The following CYP19A1 variants were observed in gnomAD, a reference collection of about 807,000 sequenced individuals.
CYP19A1 encodes cytochrome P450 family 19 subfamily A member 1, also known as aromatase.
Under a neutral mutation model 44.4 loss-of-function variants are expected in CYP19A1, and 32 were observed. The observed-to-expected ratio is 0.72, with a 90% CI of 0.54 to 0.97. The LOEUF is 0.97. Among genes scored for constraint, CYP19A1 ranks in the 50% least tolerant of loss-of-function variants. The pLI, the probability that CYP19A1 is intolerant of heterozygous loss-of-function variation, is 0.00. For missense variants in CYP19A1, 598 were observed against 637.8 expected (o/e 0.94, Z 0.67); for synonymous variants, 212 against 215.6 (o/e 0.98, Z 0.14).
rs1262602894 is a variant in CYP19A1, at chr15:51,237,016, C to A, written c.146-7G>T. ...CCCATGCAGTAGCCAGGACCTAGGA[C>A]AGGTGTCAGAGCATAAGCAACATCT... On this transcript the variant is annotated splice_polypyrimidine_tract_variant and splice_region_variant and intron_variant, in intron 2 of 9. Coordinates refer to ENST00000396402, the MANE Select transcript of CYP19A1 (RefSeq NM_000103.4). 1.2e-5 allele frequency: 20 copies of A among 1,614,118 alleles called. No homozygotes were observed. The highest frequency in any genetic ancestry group is 1.7e-5 in the Non-Finnish European group (20 of 1,179,990).
rs755954146 is a variant in CYP19A1 at position 51,218,588 on chromosome 15, G to A, written c.696C>T (p.Asp232=). 2.5e-6 allele frequency: 4 copies of A among 1,613,814 alleles called. No homozygotes were observed. Among genetic ancestry groups the A allele is most frequent in the East Asian group, 2.2e-5 (1 of 44,844 alleles). Residue 232 remains aspartate (D), a synonymous_variant, in exon 6 of 10, where the codon GAC becomes GAT. Coordinates refer to ENST00000396402, the MANE Select transcript of CYP19A1 (RefSeq NM_000103.4). ...ATAGCCAAGAAATCTTAAAGAAGAT[G>A]TCTGGTTTGATGAGGAGAGCTTGCC... ...DAWQALLIKP[D]IFFKISWLYK... is the part of the protein sequence containing the mutation.
chr15:51,258,795 T>C (rs1000917878), intron 1 of CYP19A1, among the ~76,000 whole-genome samples: 1 of 152,038 alleles, frequency 6.6e-6, no homozygotes, highest in Non-Finnish European at 1.5e-5. Flanking sequence ...AATGAAGGAG[T>C]CTTTTAGAGA....
intron 1 of CYP19A1, among the ~76,000 whole-genome samples, chr15:51,254,980 C>T (rs893078840): frequency 6.6e-6 from 1 of 152,004 alleles, no homozygotes; most frequent in Non-Finnish European, 1.5e-5. Context: ...TGAGATGGAT[C>T]GAAGGGAGCT....
At chr15:51,323,679 GC>G (rs1488588198) in intron 1 of CYP19A1, 6 of 152,286 alleles carry the variant, frequency 3.9e-5, no homozygotes, top group African/African-American at 1.4e-4. Context: ...CCAGCACCCT[GC>G]CTCCTCCTCT....
chr15:51,242,360 G>C, intron 2 of CYP19A1: 1 of 284,090 alleles, frequency 3.5e-6, no homozygotes, highest in Non-Finnish European at 6.8e-6. Flanking sequence ...CGGAAACAAA[G>C]TGAAAGGGAG....
intron 1 of CYP19A1, among the ~76,000 whole-genome samples, chr15:51,336,990 C>A (rs1409326896): frequency 6.6e-6 from 1 of 151,884 alleles, no homozygotes; most frequent in African/African-American, 2.4e-5. Context: ...GCAGGCATAT[C>A]TGCCTCTCAA....
chr15:51,259,953 A>C (rs1022195816), intron 1 of CYP19A1, among the ~76,000 whole-genome samples: 3 of 152,262 alleles, frequency 2.0e-5, no homozygotes, highest in African/African-American at 7.2e-5. Flanking sequence ...AAGAACACTA[A>C]ATGAATATTG....
In CYP19A1 at chr15:51,281,465, C is replaced by T. The variant is rs138850046; in HGVS notation, c.-38-38515G>A. Among the ~76,000 whole-genome samples the T allele has an allele frequency of 8.5e-4, 129 of 152,312 alleles. 1 individual carries two copies. The highest frequency in any genetic ancestry group is 3.0e-3 in the African/African-American group (125 of 41,574). On this transcript the variant is annotated intron_variant, in intron 1 of 9. Coordinates refer to ENST00000396402, the MANE Select transcript of CYP19A1 (RefSeq NM_000103.4). ...CCTACCCTGAGGAGCCAGAGCACTG[C>T]GGGCAGGAGAGGAGGACCTGCCTGG...
intron 1 of CYP19A1, among the ~76,000 whole-genome samples, chr15:51,330,235 G>A (rs1430567134): frequency 1.3e-5 from 2 of 152,078 alleles, no homozygotes; most frequent in African/African-American, 4.8e-5. Flanking sequence ...CCGAAGAATC[G>A]AGTCTGGGCT....
intron 1 of CYP19A1, among the ~76,000 whole-genome samples, chr15:51,271,747 C>A (rs1026560070): frequency 6.6e-6 from 1 of 152,218 alleles, no homozygotes; most frequent in East Asian, 1.9e-4. Flanking sequence ...TACTGCCACT[C>A]TTTGATTGAT....
intron 5 of CYP19A1, among the ~76,000 whole-genome samples, chr15:51,219,597 G>T (rs1305692161): frequency 6.6e-6 from 1 of 152,206 alleles, no homozygotes; most frequent in Non-Finnish European, 1.5e-5. Flanking sequence ...AGCTGCTTCT[G>T]TCTGACCTCA....
chr15:51,287,645 A>G (rs1365783824), intron 1 of CYP19A1, among the ~76,000 whole-genome samples: 1 of 151,968 alleles, frequency 6.6e-6, no homozygotes, highest in Admixed American at 6.6e-5. Context: ...CCTACCCTCA[A>G]ATGCCCTCAC....
chr15:51,253,910 G>T (rs1199273227), intron 1 of CYP19A1, among the ~76,000 whole-genome samples: 1 of 152,194 alleles, frequency 6.6e-6, no homozygotes. Flanking sequence ...ATGTGGTTGA[G>T]ATTTTGATGG....
intron 2 of CYP19A1, among the ~76,000 whole-genome samples, chr15:51,237,838 G>C (rs1319920068): frequency 6.6e-6 from 1 of 152,224 alleles, no homozygotes; most frequent in Non-Finnish European, 1.5e-5. Flanking sequence ...TTTTACTGGT[G>C]TTGGTAAAAC....
chr15:51,290,690 G>A (rs141943771), intron 1 of CYP19A1, among the ~76,000 whole-genome samples: 12 of 152,266 alleles, frequency 7.9e-5, no homozygotes, highest in East Asian at 5.8e-4. Context: ...GAAGAGTTGC[G>A]GGGCCACTCT....
At chr15:51,291,993 C>G (rs1418184003) in intron 1 of CYP19A1, among the ~76,000 whole-genome samples, 1 of 152,202 alleles carries the variant, frequency 6.6e-6, no homozygotes, top group Admixed American at 6.5e-5. Flanking sequence ...CTTTAGCAGT[C>G]CAACACACTG....
Position 51,210,465 on chromosome 15 carries a change from A to C in CYP19A1, c.*343T>G. The C allele has an allele frequency of 3.8e-6, 2 of 523,188 alleles. No homozygotes were observed. The highest frequency in any genetic ancestry group is 3.7e-6 in the Non-Finnish European group (1 of 269,612). The allele number at this position is 523,188 out of a possible 1,614,324, so 32.4% of individuals were successfully genotyped here. ...AAAAATCCCCTTGGGTTGAGGCAGTAGAGCTCTACTGGGGAACCAGACATA... is the reference window on the plus strand; with the variant it reads ...AAAAATCCCCTTGGGTTGAGGCAGTCGAGCTCTACTGGGGAACCAGACATA... On this transcript the variant is annotated 3_prime_UTR_variant, in exon 10 of 10. Coordinates refer to ENST00000396402, the MANE Select transcript of CYP19A1 (RefSeq NM_000103.4).
intron 1 of CYP19A1, among the ~76,000 whole-genome samples, chr15:51,304,684 G>A (rs182046544): frequency 6.6e-6 from 1 of 152,290 alleles, no homozygotes; most frequent in African/African-American, 2.4e-5. Context: ...AAAGTCTTCT[G>A]AGAGAATCCT....
chr15:51,278,647 TG>T (rs569339977), intron 1 of CYP19A1, among the ~76,000 whole-genome samples: 48 of 152,348 alleles, frequency 3.2e-4, no homozygotes, highest in Admixed American at 2.9e-3. Flanking sequence ...AGATGTTTTA[TG>T]TGTGAACGTG....
Sources: gnomAD v4.1 joint callset for allele counts (sites outside exome capture counted in the v4.1 genomes callset) on GRCh38, gnomAD v4.1.1 for gene constraint, MANE v1.5 for transcripts, NCBI Gene and HGNC (gene_info 2026-07-23, HGNC 2026-07-21) for gene names.